CLMN: variants seen among roughly 807,000 people sequenced by gnomAD.
CLMN encodes calmin.
In CLMN, 57 loss-of-function variants were observed where a neutral mutation model predicts 92.7. That is an observed-to-expected ratio of 0.61 (90% CI 0.50 to 0.77). CLMN has a LOEUF of 0.77. Among genes scored for constraint, CLMN ranks in the 30% least tolerant of loss-of-function variants. The pLI, the probability that CLMN is intolerant of heterozygous loss-of-function variation, is 0.00. For missense variants in CLMN, 1,158 were observed against 1,237.5 expected, an observed-to-expected ratio of 0.94 and a Z score of 0.96; for synonymous variants, 466 against 470.6, an observed-to-expected ratio of 0.99 and a Z score of 0.13.
Position 95,203,332 on chromosome 14 carries a change from C to T in CLMN, c.2017G>A (p.Glu673Lys), listed in dbSNP as rs1325278516. 3 of 1,614,030 alleles carry T rather than the reference C, an allele frequency of 1.9e-6. No individual in the cohort carries two copies. In the African/African-American group the frequency reaches 4.0e-5, roughly 22 times the overall value. ...RKSTRPHYEEEGEDDDLQGVG... is the reference protein window; with the variant it reads ...RKSTRPHYEEKGEDDDLQGVG... ...CCCTGGAGGTCATCGTCTTCTCCCT[C>T]TTCCTCATAATGAGGACGGGTGGAC... is the stretch of plus-strand genomic sequence containing the variant. The change falls in exon 9 of 13, where the codon GAG (glutamate) becomes AAG (lysine). Residue 673 changes from glutamate to lysine, a missense_variant. By Grantham distance (56) the Glu-to-Lys change is moderately conservative. Transcript: ENST00000298912.
At chr14:95,219,303 C>T (rs948632129) in intron 4 of CLMN, among the ~76,000 whole-genome samples, 4 of 152,126 alleles carry the variant, frequency 2.6e-5, no homozygotes, top group Non-Finnish European at 4.4e-5. Context: ...GAGGTCAATA[C>T]GGTGGAAGGA....
intron 9 of CLMN, among the ~76,000 whole-genome samples, chr14:95,200,947 T>C (rs1896860631): frequency 6.6e-6 from 1 of 150,634 alleles, no homozygotes; most frequent in Non-Finnish European, 1.5e-5. Flanking sequence ...GTTTTTTTCT[T>C]TAACTTTCTA....
At chr14:95,239,707 G>A (rs1184631223) in intron 1 of CLMN, among the ~76,000 whole-genome samples, 1 of 152,180 alleles carries the variant, frequency 6.6e-6, no homozygotes, top group Non-Finnish European at 1.5e-5. Flanking sequence ...GTAAATGAGA[G>A]GCTCTGATAA....
rs941626959 is a variant in CLMN at position 95,189,494 on chromosome 14, A to G, written c.*2070T>C. The G allele has an allele frequency of 1.3e-5, 2 of 152,212 alleles. No individual in the cohort carries two copies. The highest frequency in any genetic ancestry group is 2.9e-5 in the Non-Finnish European group (2 of 68,038). The allele number at this position is 152,212 out of a possible 1,614,324, so 9.4% of individuals were successfully genotyped here. On this transcript the variant is annotated 3_prime_UTR_variant, in exon 13 of 13. Transcript: ENST00000298912. ...TTTGCAAAATATCAGTTGACTGCCA[A>G]CCTGAACCAAATGACTTTCAGGCAT...
chr14:95,289,686 A>G (rs548253610), intron 1 of CLMN, among the ~76,000 whole-genome samples: 48 of 152,202 alleles, frequency 3.2e-4, no homozygotes, highest in African/African-American at 1.1e-3. Flanking sequence ...CTCCCACCCC[A>G]ATCCCCCAGC....
At chr14:95,305,899 C>T (rs1459380396) in intron 1 of CLMN, among the ~76,000 whole-genome samples, 3 of 152,210 alleles carry the variant, frequency 2.0e-5, no homozygotes, top group Admixed American at 2.0e-4. Context: ...CTTCAATACG[C>T]TGAAGGAAAA....
intron 1 of CLMN, among the ~76,000 whole-genome samples, chr14:95,279,457 T>C (rs1365818251): frequency 6.6e-6 from 1 of 152,228 alleles, no homozygotes; most frequent in Non-Finnish European, 1.5e-5. Flanking sequence ...CACTTCTGTC[T>C]GGTGTCCTAG....
At chr14:95,318,508 C>T (rs74079809) in intron 1 of CLMN, among the ~76,000 whole-genome samples, 2 of 152,070 alleles carry the variant, frequency 1.3e-5, no homozygotes. Flanking sequence ...AGGAAACATT[C>T]AATCAGGTGT....
chr14:95,202,265 G>A (rs564826257), intron 9 of CLMN, among the ~76,000 whole-genome samples: 1 of 152,178 alleles, frequency 6.6e-6, no homozygotes, highest in African/African-American at 2.4e-5. Context: ...TGACATAATC[G>A]CCATTCTTAC....
At chr14:95,222,074 AT>A (rs1234343736) in intron 3 of CLMN, among the ~76,000 whole-genome samples, 1 of 152,038 alleles carries the variant, frequency 6.6e-6, no homozygotes, top group Admixed American at 6.5e-5. Context: ...AAATTTGTCA[AT>A]TTTTTTCTCT....
chr14:95,311,658 G>A (rs1420326654), intron 1 of CLMN, among the ~76,000 whole-genome samples: 2 of 151,994 alleles, frequency 1.3e-5, no homozygotes, highest in Non-Finnish European at 2.9e-5. Flanking sequence ...CAACTGCATG[G>A]GCCCGTCTGG....
At chr14:95,287,137 G>A (rs1343610193) in intron 1 of CLMN, among the ~76,000 whole-genome samples, 1 of 152,194 alleles carries the variant, frequency 6.6e-6, no homozygotes, top group East Asian at 1.9e-4. Flanking sequence ...TTGCACAGAG[G>A]AGGGGCAATT....
At chr14:95,304,673 ATTGTACAGATTGTTGT>A (rs1901200773) in intron 1 of CLMN, among the ~76,000 whole-genome samples, 1 of 152,076 alleles carries the variant, frequency 6.6e-6, no homozygotes, top group Non-Finnish European at 1.5e-5. Flanking sequence ...AATTGTACTG[ATTGTACAGATTGTTGT>A]ACAATCTGTA....
chr14:95,230,112 T>C lies in CLMN; in HGVS notation c.104A>G (p.Lys35Arg). Residue 35 changes from lysine to arginine, a missense_variant, in exon 2 of 13, where the codon AAG becomes AGG. Transcript: ENST00000298912. ...ATTTATCCATCGTGTAAAGGTCCTC[T>C]TCTGCACATTTTCCCTCTCAACTGA... is the stretch of plus-strand genomic sequence containing the variant. ...NLQVERENVQ[K>R]RTFTRWINLH... The C allele has an allele frequency of 2.5e-6, 4 of 1,614,230 alleles. No individual in the cohort carries two copies. The highest frequency in any genetic ancestry group is 3.4e-6 in the Non-Finnish European group (4 of 1,180,042).
At chr14:95,292,314 A>G (rs187924556) in intron 1 of CLMN, among the ~76,000 whole-genome samples, 91 of 152,330 alleles carry the variant, frequency 6.0e-4, no homozygotes, top group African/African-American at 1.9e-3. Flanking sequence ...TACTACTTTT[A>G]AAACCAGAAA....
At chr14:95,274,978 C>CAAAAAA (rs5810718) in intron 1 of CLMN, among the ~76,000 whole-genome samples, 12 of 76,360 alleles carry the variant, frequency 1.6e-4, no homozygotes, top group African/African-American at 5.3e-4. Context: ...CACTCTGTCT[C>CAAAAAA]AAAAAAAAAA....
intron 1 of CLMN, among the ~76,000 whole-genome samples, chr14:95,237,606 GGAA>G (rs1189039697): frequency 6.6e-6 from 1 of 152,174 alleles, no homozygotes; most frequent in East Asian, 1.9e-4. Context: ...TTGTGCAGAG[GGAA>G]GAAGACCTTG....
At chr14:95,227,667 AG>A (rs1897755123) in intron 2 of CLMN, among the ~76,000 whole-genome samples, 1 of 152,224 alleles carries the variant, frequency 6.6e-6, no homozygotes, top group Non-Finnish European at 1.5e-5. Context: ...GCGAGATGGC[AG>A]GGGGAGAAAT....
In CLMN at chr14:95,203,969, A is replaced by T. The variant is rs1279612203; in HGVS notation, c.1380T>A (p.Asp460Glu). The change falls in exon 9 of 13, where the codon GAT becomes GAA. Residue 460 changes from aspartate (D) to glutamate (E), a missense_variant. Physicochemically the swap from Asp to Glu is conservative, Grantham distance 45. Coordinates refer to ENST00000298912, the MANE Select transcript of CLMN (RefSeq NM_024734.4). ...CAACCTCAACTGCCAAGACATGTCC[A>T]TCCTGCCTCAATGATTCCTTTGCCA... ...PRVAKESLRQDGHVLAVEVAE... is the reference protein window; with the variant it reads ...PRVAKESLRQEGHVLAVEVAE... 6.2e-7 allele frequency: 1 copy of T among 1,614,190 alleles called. No individual in the cohort carries two copies.
Sources: allele counts gnomAD v4.1 joint callset (sites outside exome capture counted in the v4.1 genomes callset), GRCh38; gene constraint gnomAD v4.1.1; transcripts MANE v1.5; gene names NCBI Gene and HGNC (gene_info 2026-07-23, HGNC 2026-07-21).